PRDM11: variants seen among roughly 807,000 people sequenced by gnomAD.
PRDM11 encodes the protein PR/SET domain 11, also known as PR domain-containing protein 11.
PRDM11 carries 20 observed loss-of-function variants against 97.8 expected under a neutral mutation model. That is an observed-to-expected ratio of 0.20 (90% CI 0.14 to 0.30). The LOEUF is 0.30. Among genes scored for constraint, PRDM11 ranks in the 10% least tolerant of loss-of-function variants. The probability of loss-of-function intolerance (pLI) is 1.00; values close to 1 mark genes in which losing one functional copy is unlikely to be tolerated. For missense variants in PRDM11, 1,139 were observed against 1,555.2 expected, an observed-to-expected ratio of 0.73 and a Z score of 4.50; for synonymous variants, 599 against 637.7, an observed-to-expected ratio of 0.94 and a Z score of 0.91.
intron 4 of PRDM11, among the ~76,000 whole-genome samples, chr11:45,193,385 G>T (rs1852984426): frequency 6.6e-6 from 1 of 152,184 alleles, no homozygotes; most frequent in South Asian, 2.1e-4. Context: ...AACTGTTGGG[G>T]TAAAACAAGC....
At chr11:45,185,787 T>C (rs1350308829) in intron 4 of PRDM11, among the ~76,000 whole-genome samples, 1 of 152,172 alleles carries the variant, frequency 6.6e-6, no homozygotes, top group Non-Finnish European at 1.5e-5. Flanking sequence ...CCCTAGAACT[T>C]GTAAATATAC....
chr11:45,192,076 G>A (rs945684568), intron 4 of PRDM11, among the ~76,000 whole-genome samples: 6 of 152,072 alleles, frequency 3.9e-5, no homozygotes, highest in African/African-American at 1.4e-4. Context: ...GCCGAACTAG[G>A]TTTTGAGGGA....
intron 1 of PRDM11, among the ~76,000 whole-genome samples, chr11:45,177,722 A>G (rs1045774547): frequency 6.6e-6 from 1 of 152,208 alleles, no homozygotes; most frequent in African/African-American, 2.4e-5. Context: ...TATAGTCAAT[A>G]AATAGGTGTC....
At chr11:45,199,498 T>C (rs939118499) in intron 4 of PRDM11, among the ~76,000 whole-genome samples, 14 of 152,200 alleles carry the variant, frequency 9.2e-5, no homozygotes, top group Admixed American at 6.5e-5. Context: ...TTCTCCAGGC[T>C]AAGGGAGCCT....
At chr11:45,197,127 A>C (rs911260923) in intron 4 of PRDM11, among the ~76,000 whole-genome samples, 1 of 152,190 alleles carries the variant, frequency 6.6e-6, no homozygotes, top group Admixed American at 6.6e-5. Flanking sequence ...ATTGTTTGTC[A>C]ACATGCCTCA....
rs1565346242 is a variant in PRDM11 at position 45,224,314 on chromosome 11, A to T, written c.840A>T (p.Lys280Asn). The change falls in exon 7 of 8, where the codon AAA becomes AAT. Residue 280 changes from lysine to asparagine, a missense_variant. Around this residue, in one of 2 missense-constraint regions of PRDM11, gnomAD observed 429 missense variants for 510.3 expected, o/e 0.84. Coordinates refer to ENST00000683152, the MANE Select transcript of PRDM11 (RefSeq NM_001384648.1). Reference protein sequence around the residue: ...PIHLSVLRQGKSPYKRGFDEG... With the variant: ...PIHLSVLRQGNSPYKRGFDEG... ...ATCTCTCTGTGCTGAGACAGGGCAA[A>T]AGTCCCTACAAGCGTGGCTTTGATG... 2 of 1,614,140 alleles carry T rather than the reference A, an allele frequency of 1.2e-6. No homozygotes were observed. The highest frequency in any genetic ancestry group is 1.7e-6 in the Non-Finnish European group (2 of 1,180,022).
chr11:45,194,877 C>T (rs1247025441), intron 4 of PRDM11, among the ~76,000 whole-genome samples: 10 of 152,030 alleles, frequency 6.6e-5, no homozygotes, highest in Admixed American at 1.3e-4. Context: ...GGATTACAGG[C>T]GTGAGCCACC....
At chr11:45,147,012 C>T (rs1194843310) in intron 1 of PRDM11, 135 bp downstream of exon 1, 1 of 139,608 alleles carries the variant, frequency 7.2e-6, no homozygotes, top group African/African-American at 2.6e-5. Flanking sequence ...CCGGGGGTCT[C>T]GGCGCGGGCG....
rs1359345514 is a variant in PRDM11, at chr11:45,226,199, A to G, written c.1574A>G (p.Asn525Ser). The G allele has an allele frequency of 1.3e-6, 2 of 1,533,584 alleles. No homozygotes were observed. Among genetic ancestry groups the G allele is most frequent in the Non-Finnish European group, 1.7e-6 (2 of 1,146,540 alleles). The allele number at this position is 1,533,584 out of a possible 1,614,324, so 95.0% of individuals were successfully genotyped here. ...FWFLRYSPTL[N>S]EMWCHVCRQY... ...TTCCTGCGGTACTCCCCAACCCTCAATGAGATGTGGTGCCACGTCTGCCGC... is the reference window on the plus strand; with the variant it reads ...TTCCTGCGGTACTCCCCAACCCTCAGTGAGATGTGGTGCCACGTCTGCCGC... Residue 525 changes from asparagine (N) to serine (S), a missense_variant, in exon 8 of 8, where the codon AAT becomes AGT. Physicochemically the swap from Asn to Ser is conservative, Grantham distance 46 (BLOSUM62 1). Transcript: ENST00000683152.
At position 45,226,432 on chromosome 11, in the gene PRDM11, G is replaced by T. The variant is rs1191064314; in HGVS notation, c.1807G>T (p.Gly603Cys). ...CACCGCCTACCACCTGGCCTTGGAG[G>T]GCAGGCCCTACCTGGACTTCCGGCC... ...FNTAYHLALEGRPYLDFRPLA... is the reference protein window; with the variant it reads ...FNTAYHLALECRPYLDFRPLA... Residue 603 changes from glycine (G) to cysteine (C), a missense_variant, in exon 8 of 8, where the codon GGC (glycine) becomes TGC (cysteine). This residue lies in a region of PRDM11 where 710 missense variants were observed against 1,044.9 expected (regional missense o/e 0.68). Coordinates refer to ENST00000683152, the MANE Select transcript of PRDM11 (RefSeq NM_001384648.1). 1 of 1,533,836 alleles carries T rather than the reference G, an allele frequency of 6.5e-7. No homozygotes were observed. Among genetic ancestry groups the T allele is most frequent in the Non-Finnish European group, 8.7e-7 (1 of 1,146,740 alleles).
rs1341152045 is a variant in PRDM11 at position 45,229,625 on chromosome 11, A to C, written c.*1466A>C. On this transcript the variant is annotated 3_prime_UTR_variant, in exon 8 of 8. Transcript: ENST00000683152. ...CTGATCAATGCTCTTTCATTCATTTAACTACCGGTATACCTCGCAAGGGAG... is the reference window on the plus strand; with the variant it reads ...CTGATCAATGCTCTTTCATTCATTTCACTACCGGTATACCTCGCAAGGGAG... 1 of 152,194 alleles carries C rather than the reference A, an allele frequency of 6.6e-6. No homozygotes were observed. The highest frequency in any genetic ancestry group is 2.4e-5 in the African/African-American group (1 of 41,428). 9.4% of individuals were successfully genotyped at this position (152,194 alleles called of 1,614,324 possible).
chr11:45,156,156 C>T (rs545008524), intron 1 of PRDM11, among the ~76,000 whole-genome samples: 19 of 152,298 alleles, frequency 1.2e-4, no homozygotes, highest in African/African-American at 4.6e-4. Context: ...GGCTAACTTA[C>T]AGATTCCAAG....
chr11:45,137,205 G>C (rs1473432284), intron 1 of PRDM11, among the ~76,000 whole-genome samples: 1 of 151,244 alleles, frequency 6.6e-6, no homozygotes, highest in South Asian at 2.1e-4. Flanking sequence ...GGCCGAGGCA[G>C]GCAGATCACT....
In PRDM11 at chr11:45,230,570, A is replaced by C. The variant is rs1854380461; in HGVS notation, c.*2411A>C. Reference sequence around the variant, plus strand: ...CTTGGGACTTCCTCTCCCCTCACACACGCAAACTGCTGTGTCTGGGGAGTT... The same window carrying C: ...CTTGGGACTTCCTCTCCCCTCACACCCGCAAACTGCTGTGTCTGGGGAGTT... On this transcript the variant is annotated 3_prime_UTR_variant, in exon 8 of 8. Transcript: ENST00000683152. 6.6e-6 allele frequency: 1 copy of C among 152,216 alleles called. No homozygotes were observed. The highest frequency in any genetic ancestry group is 2.4e-5 in the African/African-American group (1 of 41,434). The allele number at this position is 152,216 out of a possible 1,614,324, so 9.4% of individuals were successfully genotyped here.
intron 1 of PRDM11, among the ~76,000 whole-genome samples, chr11:45,150,411 G>T (rs1851631698): frequency 6.6e-6 from 1 of 152,150 alleles, no homozygotes; most frequent in South Asian, 2.1e-4. Context: ...TGTGCTGTTG[G>T]GTTTGCACTT....
intron 1 of PRDM11, among the ~76,000 whole-genome samples, chr11:45,180,544 A>C (rs192550572): frequency 1.3e-5 from 2 of 150,720 alleles, no homozygotes; most frequent in Non-Finnish European, 3.0e-5. Context: ...GCCCTCTCCC[A>C]CCGCCCCGCC....
upstream of PRDM11, among the ~76,000 whole-genome samples, chr11:45,145,945 G>A (rs1851497886): frequency 6.6e-6 from 1 of 152,184 alleles, no homozygotes; most frequent in Non-Finnish European, 1.5e-5. Flanking sequence ...GAGGAATCGA[G>A]CAAGTGAATG....
intron 2 of PRDM11, among the ~76,000 whole-genome samples, 179 bp downstream of exon 2, chr11:45,182,064 G>C (rs1852526323): frequency 6.6e-6 from 1 of 152,148 alleles, no homozygotes; most frequent in African/African-American, 2.4e-5. Context: ...GGAGGTCTGT[G>C]CTCGCATCTC....
intron 1 of PRDM11, among the ~76,000 whole-genome samples, chr11:45,157,793 C>T (rs10838426): frequency 0.91 from 138,053 of 152,224 alleles, 63,481 homozygotes; most frequent in Non-Finnish European, 0.98. Context: ...ACACTGCCTG[C>T]CCTACTAGAG....
Sources: gnomAD v4.1 joint callset for allele counts (sites outside exome capture counted in the v4.1 genomes callset) on GRCh38, gnomAD v4.1.1 for gene constraint, gnomAD v4.1.1 regional missense constraint, MANE v1.5 for transcripts, NCBI Gene and HGNC (gene_info 2026-07-23, HGNC 2026-07-21) for gene names.